Variants in SYNE2 observed in about 807,000 individuals in gnomAD.
SYNE2 encodes the protein spectrin repeat containing nuclear envelope protein 2.
SYNE2 carries 431 observed loss-of-function variants against 856.3 expected under a neutral mutation model. The ratio of observed to expected loss-of-function variants is 0.50; its 90% CI spans 0.47 to 0.55. The LOEUF is 0.55. Among genes scored for constraint, SYNE2 ranks in the 20% least tolerant of loss-of-function variants. The probability of loss-of-function intolerance (pLI) is 0.00; values close to 1 mark genes in which losing one functional copy is unlikely to be tolerated. For missense variants in SYNE2, 8,129 were observed against 8,023.2 expected, an observed-to-expected ratio of 1.01 and a Z score of -0.50; for synonymous variants, 2,923 against 2,872.3, an observed-to-expected ratio of 1.02 and a Z score of -0.56.
chr14:64,098,884 A>C, intron 63 of SYNE2, 63 bp downstream of exon 63: 1 of 1,497,482 alleles, frequency 6.7e-7, no homozygotes, highest in East Asian at 2.3e-5. Context: ...AAGTCAATGA[A>C]AAGATCTTAA....
At chr14:63,793,649 T>C (rs955589981) in intron 1 of SYNE2, among the ~76,000 whole-genome samples, 1 of 152,108 alleles carries the variant, frequency 6.6e-6, no homozygotes, top group African/African-American at 2.4e-5. Context: ...GTTTGAAAGT[T>C]GTTGGGCTGG....
At chr14:64,125,029 A>C (rs775068217) in intron 70 of SYNE2, 50 bp from the exon 71 acceptor site, 1 of 1,610,190 alleles carries the variant, frequency 6.2e-7, no homozygotes, top group Non-Finnish European at 8.5e-7. Flanking sequence ...ATTAATTAAC[A>C]TCAGCAGGGT....
intron 101 of SYNE2, chr14:64,209,164 G>A: frequency 1.2e-6 from 1 of 820,616 alleles, no homozygotes; most frequent in Non-Finnish European, 1.9e-6. Context: ...CTGTGGACTG[G>A]CCGCTGTGCT....
At chr14:64,164,852 C>CT (rs941365713) in intron 89 of SYNE2, among the ~76,000 whole-genome samples, 5 of 146,664 alleles carry the variant, frequency 3.4e-5, no homozygotes, top group African/African-American at 1.3e-4. Context: ...CTTGAATTTA[C>CT]TTTTTTTTAT....
chr14:63,855,457 CCTACTCGAGTGT>C (rs1027899255), intron 1 of SYNE2, among the ~76,000 whole-genome samples: 6 of 152,152 alleles, frequency 3.9e-5, no homozygotes, highest in African/African-American at 1.4e-4. Context: ...TGCTCTCCTC[CCTACTCGAGTGT>C]CTACAGCCAA....
At chr14:63,954,697 T>A (rs756204464) in intron 7 of SYNE2, 22 bp from the exon 8 acceptor site, 1 of 1,609,396 alleles carries the variant, frequency 6.2e-7, no homozygotes, top group African/African-American at 1.3e-5. Flanking sequence ...GTATTTGTCA[T>A]GTTTTTGTCT....
chr14:63,983,590 T>C, intron 17 of SYNE2, 147 bp from the exon 18 acceptor site: 2 of 698,632 alleles, frequency 2.9e-6, no homozygotes, highest in Middle Eastern at 4.0e-4. Flanking sequence ...TGTAGGTGTT[T>C]TATGTGAAAT....
chr14:64,007,072 T>C lies in SYNE2; in HGVS notation c.4427T>C (p.Val1476Ala). The change falls in exon 31 of 116, where the codon GTT becomes GCT. Residue 1476 changes from valine (V) to alanine (A), a missense_variant. This residue lies in a region of SYNE2 where 2,422 missense variants were observed against 2,357.4 expected (regional missense o/e 1.03). Transcript: ENST00000555002. ...RKKSLIRLDK[V>A]LDEYEEEKRH... ...AAATCATTAATCAGACTGGATAAGG[T>C]TCTAGATGAATATGAAGAAGAGAAG... 1 of 1,613,672 alleles carries C rather than the reference T, an allele frequency of 6.2e-7. No individual in the cohort carries two copies. Among genetic ancestry groups the C allele is most frequent in the South Asian group, 1.1e-5 (1 of 91,050 alleles).
At chr14:64,140,373 G>C (rs1029055989) in intron 80 of SYNE2, among the ~76,000 whole-genome samples, 2 of 152,182 alleles carry the variant, frequency 1.3e-5, no homozygotes, top group African/African-American at 4.8e-5. Context: ...AGCTGAGATC[G>C]GGATTTCGAT....
At chr14:64,135,626 A>G (rs1469002191) in intron 78 of SYNE2, among the ~76,000 whole-genome samples, 1 of 152,212 alleles carries the variant, frequency 6.6e-6, no homozygotes, top group African/African-American at 2.4e-5. Context: ...GCAACAGTCT[A>G]ATATTAGCCA....
intron 92 of SYNE2, among the ~76,000 whole-genome samples, chr14:64,168,408 T>G (rs971386580): frequency 6.6e-6 from 1 of 152,218 alleles, no homozygotes; most frequent in Non-Finnish European, 1.5e-5. Flanking sequence ...TGTGCAGAAT[T>G]ACTTCACTGC....
At chr14:63,937,174 C>A (rs181615182) in intron 2 of SYNE2, among the ~76,000 whole-genome samples, 1 of 152,164 alleles carries the variant, frequency 6.6e-6, no homozygotes, top group Non-Finnish European at 1.5e-5. Context: ...ATGGCAGGGA[C>A]CTAATCGGTA....
At chr14:64,091,076 T>TA in intron 60 of SYNE2, 28 bp downstream of exon 60, 1 of 1,604,260 alleles carries the variant, frequency 6.2e-7, no homozygotes, top group South Asian at 1.1e-5. Context: ...ACATCCAACT[T>TA]ACTGGATGAA....
At position 64,190,079 on chromosome 14, in the gene SYNE2, G is replaced by A; in HGVS notation, c.17880G>A (p.Met5960Ile). Residue 5960 changes from methionine to isoleucine, a missense_variant, in exon 99 of 116, where the codon ATG (methionine) becomes ATA (isoleucine). Physicochemically the swap from Met to Ile is conservative, Grantham distance 10. Around this residue, in one of 3 missense-constraint regions of SYNE2, gnomAD observed 5,410 missense variants for 5,284.8 expected, o/e 1.02. Transcript: ENST00000555002. ...TTTGGTGCCTTTGCCAGGACTGCAT[G>A]GAAGAAATAAACTTGTTTAGTGAAA... The part of the protein sequence containing the change: ...EMIEKLQKDC[M>I]EEINLFSENK... The A allele has an allele frequency of 1.2e-6, 2 of 1,613,908 alleles. No homozygotes were observed. Among genetic ancestry groups the A allele is most frequent in the Admixed American group, 1.7e-5 (1 of 59,992 alleles).
At chr14:63,984,012 C>T (rs1340502640) in intron 18 of SYNE2, 126 bp downstream of exon 18, 1 of 674,244 alleles carries the variant, frequency 1.5e-6, no homozygotes, top group Non-Finnish European at 2.5e-6. Flanking sequence ...GAGGACAAAA[C>T]AGGTGGATGG....
chr14:64,112,297 G>A (rs775801277), intron 65 of SYNE2, among the ~76,000 whole-genome samples: 32 of 152,164 alleles, frequency 2.1e-4, no homozygotes, highest in South Asian at 4.1e-4. Context: ...ATGCTAACAC[G>A]TTAACAAACT....
rs759306396 is a variant in SYNE2 at position 64,003,114 on chromosome 14, G to T, written c.4181G>T (p.Gly1394Val). 3.7e-6 allele frequency: 6 copies of T among 1,614,056 alleles called. No homozygotes were observed. Among genetic ancestry groups the T allele is most frequent in the East Asian group, 4.5e-5 (2 of 44,900 alleles). ...LDMSFKDAER[G>V]DDTSCENLLD... ...ATGAGCTTTAAAGATGCTGAACGGG[G>T]TGATGACACCTCCTGTGAAAACCTG... Residue 1394 changes from glycine (G) to valine (V), a missense_variant, in exon 30 of 116, where the codon GGT becomes GTT. Around this residue, in one of 3 missense-constraint regions of SYNE2, gnomAD observed 2,422 missense variants for 2,357.4 expected, o/e 1.03. Transcript: ENST00000555002.
At chr14:63,824,587 T>C (rs537498282) in intron 1 of SYNE2, among the ~76,000 whole-genome samples, 16 of 148,566 alleles carry the variant, frequency 1.1e-4, no homozygotes, top group African/African-American at 4.0e-4. Flanking sequence ...TGCAGTGAGC[T>C]GAGATGGCAC....
chr14:64,092,972 A>G (rs997062223), intron 60 of SYNE2, among the ~76,000 whole-genome samples: 2 of 96,600 alleles, frequency 2.1e-5, no homozygotes, highest in Non-Finnish European at 3.6e-5. Context: ...TCCCCCGGCC[A>G]TGGAATATGT....
Sources: allele counts gnomAD v4.1 joint callset (sites outside exome capture counted in the v4.1 genomes callset), GRCh38; gene constraint gnomAD v4.1.1; regional missense constraint gnomAD v4.1.1; transcripts MANE v1.5; gene names NCBI Gene and HGNC (gene_info 2026-07-23, HGNC 2026-07-21).